The following WNK1 variants were observed in gnomAD, a reference collection of about 807,000 sequenced individuals.
The protein encoded by WNK1 is serine/threonine-protein kinase WNK1.
In WNK1, 38 loss-of-function variants were observed where a neutral mutation model predicts 222.8. That is an observed-to-expected ratio of 0.17 (90% CI 0.13 to 0.22). The LOEUF is 0.22. Among genes scored for constraint, WNK1 ranks in the 10% least tolerant of loss-of-function variants. WNK1 has a pLI of 1.00. For missense variants in WNK1, 2,348 were observed against 2,918.4 expected (o/e 0.80, Z 4.50); for synonymous variants, 1,090 against 1,092.9 (o/e 1.00, Z 0.05).
chr12:906,184 A>T, intron 26 of WNK1: 1 of 534,418 alleles, frequency 1.9e-6, no homozygotes, highest in Non-Finnish European at 2.4e-6. Context: ...GTGGTTCACA[A>T]CTTACTTTAG....
intron 9 of WNK1, 78 bp from the exon 10 acceptor site, chr12:878,134 C>T (rs1157100052): frequency 6.4e-7 from 1 of 1,570,234 alleles, no homozygotes; most frequent in African/African-American, 1.4e-5. Context: ...ACACTGAAGG[C>T]TTTAGGTAAA....
At chr12:872,225 A>G (rs1197818843) in intron 9 of WNK1, among the ~76,000 whole-genome samples, 1 of 152,168 alleles carries the variant, frequency 6.6e-6, no homozygotes, top group East Asian at 1.9e-4. Flanking sequence ...TCCCAGGTTC[A>G]AGCTATTCTC....
chr12:802,675 G>A (rs992679112), intron 1 of WNK1, among the ~76,000 whole-genome samples: 6 of 152,130 alleles, frequency 3.9e-5, no homozygotes, highest in Non-Finnish European at 7.4e-5. Flanking sequence ...AACAAAGTTT[G>A]GAAGTATAGG....
At chr12:860,955 T>TG in intron 6 of WNK1, 58 bp from the exon 7 acceptor site, 2 of 1,263,948 alleles carry the variant, frequency 1.6e-6, no homozygotes, top group Non-Finnish European at 2.2e-6. Context: ...GGGGTGGTGG[T>TG]GGGGGGTGTT....
rs192096626 is a variant in WNK1 at position 830,758 on chromosome 12, A to G, written c.1311+598A>G. Among the ~76,000 whole-genome samples, 146 of 152,324 alleles carry G rather than the reference A, an allele frequency of 9.6e-4. 2 individuals carry two copies. Among genetic ancestry groups the G allele is most frequent in the South Asian group, 7.7e-3 (37 of 4,828 alleles). On this transcript the variant is annotated intron_variant, in intron 4 of 27. Transcript: ENST00000315939. ...ACTACATGCTTCATTATGCTACTCTAAAATACATTTTCTTACATAACCATA... is the reference window on the plus strand; with the variant it reads ...ACTACATGCTTCATTATGCTACTCTGAAATACATTTTCTTACATAACCATA...
chr12:879,330 A>G, intron 10 of WNK1, among the ~76,000 whole-genome samples: 1 of 151,856 alleles, frequency 6.6e-6, no homozygotes. Context: ...TTTCTATGAC[A>G]AAAGGTGTAG....
chr12:771,710 C>T (rs551673094), intron 1 of WNK1, among the ~76,000 whole-genome samples: 10 of 152,330 alleles, frequency 6.6e-5, no homozygotes, highest in African/African-American at 1.7e-4. Flanking sequence ...GTTGGGATTA[C>T]AGGCATGAGC....
intron 1 of WNK1, among the ~76,000 whole-genome samples, chr12:781,863 C>T (rs902026305): frequency 1.3e-5 from 2 of 151,950 alleles, no homozygotes; most frequent in African/African-American, 4.8e-5. Context: ...TTCTCTAGTT[C>T]TGTCAGATTT....
At chr12:772,421 G>GTGTA (rs1400805711) in intron 1 of WNK1, among the ~76,000 whole-genome samples, 1 of 71,686 alleles carries the variant, frequency 1.4e-5, no homozygotes, top group East Asian at 8.4e-4. Flanking sequence ...GTGTGTGTGT[G>GTGTA]TGTATGTATG....
At chr12:795,295 T>TG (rs1945201528) in intron 1 of WNK1, among the ~76,000 whole-genome samples, 2 of 118,106 alleles carry the variant, frequency 1.7e-5, no homozygotes, top group Middle Eastern at 3.9e-3. Flanking sequence ...GATTTTCCGT[T>TG]GTTTTTTTTT....
chr12:884,357 A>G lies in WNK1; in HGVS notation c.3844+114A>G. 1 of 1,492,644 alleles carries G rather than the reference A, an allele frequency of 6.7e-7. No homozygotes were observed. Among genetic ancestry groups the G allele is most frequent in the South Asian group, 1.2e-5 (1 of 85,668 alleles). 92.5% of individuals were successfully genotyped at this position (1,492,644 alleles called of 1,614,324 possible). On this transcript the variant is annotated intron_variant, in intron 18 of 27. Transcript: ENST00000315939. The surrounding 1 kb of genome is among the most constrained non-coding windows in gnomAD (Gnocchi z 5.6). ...TGACACAGATAATAAAAAAGAATAG[A>G]AAACTGAAGTTATAACCAACAGATA...
At chr12:862,011 G>C in intron 7 of WNK1, 72 bp from the exon 8 acceptor site, 1 of 1,572,728 alleles carries the variant, frequency 6.4e-7, no homozygotes, top group Non-Finnish European at 8.7e-7. Flanking sequence ...CTAAATATGA[G>C]AAAATGTGAA....
intron 1 of WNK1, among the ~76,000 whole-genome samples, chr12:785,987 T>G (rs1008211581): frequency 3.3e-5 from 5 of 152,192 alleles, no homozygotes; most frequent in Non-Finnish European, 7.3e-5. Flanking sequence ...GCTACTCAGA[T>G]CCCTAGTTTT....
intron 26 of WNK1, 61 bp from the exon 27 acceptor site, chr12:907,786 C>T: frequency 6.3e-7 from 1 of 1,597,816 alleles, no homozygotes; most frequent in Non-Finnish European, 8.6e-7. Flanking sequence ...TGAAGTTTTC[C>T]CTCTTCCTGA....
In WNK1 at chr12:885,983, C is replaced by T. The variant is rs776623520; in HGVS notation, c.5179C>T (p.Pro1727Ser). The T allele has an allele frequency of 1.0e-5, 16 of 1,591,644 alleles. No individual in the cohort carries two copies. Among genetic ancestry groups the T allele is most frequent in the Non-Finnish European group, 1.4e-5 (16 of 1,170,424 alleles). The part of the protein sequence containing the change: ...PLGTVALPVT[P>S]VVTPGQVSTP... ...AGGAACAGTTGCTTTGCCAGTTACA[C>T]CAGTGGTCACACCTGGGCAAGTTTC... The change falls in exon 19 of 28, where the codon CCA becomes TCA. Residue 1727 changes from proline (P) to serine (S), a missense_variant. Physicochemically the swap from Pro to Ser is moderately conservative, Grantham distance 74. Transcript: ENST00000315939.
At chr12:809,329 C>T (rs1254057234) in intron 1 of WNK1, among the ~76,000 whole-genome samples, 1 of 148,668 alleles carries the variant, frequency 6.7e-6, no homozygotes, top group Non-Finnish European at 1.5e-5. Context: ...GGATGTGATG[C>T]CATGTTTACC....
chr12:757,821 C>A (rs749633099), intron 1 of WNK1, among the ~76,000 whole-genome samples: 2 of 146,278 alleles, frequency 1.4e-5, no homozygotes, highest in African/African-American at 4.9e-5. Flanking sequence ...GTGGATCACG[C>A]GGTCAGGAGT....
At chr12:890,566 T>C in intron 22 of WNK1, 53 bp downstream of exon 22, 1 of 1,596,280 alleles carries the variant, frequency 6.3e-7, no homozygotes, top group Non-Finnish European at 8.6e-7. Flanking sequence ...CTACCCGTAG[T>C]TGATTCAGGA....
chr12:841,080 G>C (rs1399903981), intron 4 of WNK1, among the ~76,000 whole-genome samples: 1 of 152,106 alleles, frequency 6.6e-6, no homozygotes, highest in Non-Finnish European at 1.5e-5. Flanking sequence ...AGCAGCTTTT[G>C]TTTTTTATTA....
Sources: gnomAD v4.1 joint callset for allele counts (sites outside exome capture counted in the v4.1 genomes callset) on GRCh38, gnomAD v4.1.1 for gene constraint, Gnocchi (gnomAD v3.1) non-coding constraint, MANE v1.5 for transcripts, NCBI Gene and HGNC (gene_info 2026-07-23, HGNC 2026-07-21) for gene names.